RAP1GAP2: variants seen among roughly 807,000 people sequenced by gnomAD.
The protein encoded by RAP1GAP2 is rap1 GTPase-activating protein 2.
A neutral mutation model predicts 95.0 loss-of-function variants in RAP1GAP2; 27 were observed. The ratio of observed to expected loss-of-function variants is 0.28; its 90% CI spans 0.21 to 0.39. The LOEUF (loss-of-function observed/expected upper bound fraction) is 0.39. RAP1GAP2 is among the 10% of genes least tolerant of loss of function. The pLI is 1.00. For synonymous variants in RAP1GAP2, 373 were observed against 380.9 expected, an observed-to-expected ratio of 0.98 and a Z score of 0.24; for missense variants, 771 against 970.0, an observed-to-expected ratio of 0.79 and a Z score of 2.72.
At chr17:2,774,804 C>G (rs2068462037), upstream of RAP1GAP2, among the ~76,000 whole-genome samples, 3 of 143,010 alleles carry the variant, frequency 2.1e-5, no homozygotes, top group South Asian at 7.0e-4. Context: ...CATACCTGGC[C>G]TCCCTGCTAT....
At chr17:2,842,558 C>T (rs1169959311) in intron 2 of RAP1GAP2, among the ~76,000 whole-genome samples, 2 of 52,268 alleles carry the variant, frequency 3.8e-5, no homozygotes, top group Admixed American at 2.0e-4. Flanking sequence ...AAAAATACCA[C>T]TTTTACTACC....
intron 2 of RAP1GAP2, among the ~76,000 whole-genome samples, chr17:2,815,486 T>C (rs1314644551): frequency 6.8e-6 from 1 of 147,872 alleles, no homozygotes; most frequent in African/African-American, 2.5e-5. Flanking sequence ...ATTATTATTA[T>C]TATTATTATT....
intron 2 of RAP1GAP2, among the ~76,000 whole-genome samples, chr17:2,802,401 A>G (rs1187883123): frequency 6.6e-6 from 1 of 152,188 alleles, no homozygotes; most frequent in Non-Finnish European, 1.5e-5. Flanking sequence ...AAGAGCTTTC[A>G]GTTTCTCTGT....
At chr17:2,981,380 C>A in intron 10 of RAP1GAP2, 132 bp downstream of exon 10, 1 of 800,766 alleles carries the variant, frequency 1.2e-6, no homozygotes, top group Non-Finnish European at 2.0e-6. Flanking sequence ...TCCATGTCTC[C>A]CTCTCTCCCT....
At chr17:3,016,360 G>C (rs963168124) in intron 17 of RAP1GAP2, among the ~76,000 whole-genome samples, 2 of 152,258 alleles carry the variant, frequency 1.3e-5, no homozygotes, top group Admixed American at 1.3e-4. Context: ...GCGTCCCATG[G>C]AGGAGGAGGA....
At chr17:2,924,844 C>A (rs2042900824) in intron 3 of RAP1GAP2, among the ~76,000 whole-genome samples, 1 of 152,312 alleles carries the variant, frequency 6.6e-6, no homozygotes, top group Admixed American at 6.5e-5. Context: ...GAGACCTTCG[C>A]CAGATGACCT....
chr17:2,880,488 C>G (rs1472325116), intron 2 of RAP1GAP2, among the ~76,000 whole-genome samples: 1 of 149,516 alleles, frequency 6.7e-6, no homozygotes, highest in Non-Finnish European at 1.5e-5. Flanking sequence ...AAATACACAT[C>G]ACACACAGTG....
At chr17:2,931,093 G>C (rs2043130501) in intron 3 of RAP1GAP2, among the ~76,000 whole-genome samples, 3 of 148,274 alleles carry the variant, frequency 2.0e-5, no homozygotes, top group Non-Finnish European at 4.4e-5. Flanking sequence ...TTGCACTCTG[G>C]CCTGGGTGAC....
chr17:2,882,413 T>C (rs1032731345), intron 2 of RAP1GAP2, among the ~76,000 whole-genome samples: 3 of 151,988 alleles, frequency 2.0e-5, no homozygotes, highest in African/African-American at 7.3e-5. Flanking sequence ...TGCCTTGGCC[T>C]CCCAAGTAGC....
At chr17:2,935,498 ACT>A (rs2043277731) in intron 3 of RAP1GAP2, among the ~76,000 whole-genome samples, 1 of 151,932 alleles carries the variant, frequency 6.6e-6, no homozygotes, top group East Asian at 1.9e-4. Flanking sequence ...TAAGAGTGAA[ACT>A]CTGTCACACA....
intron 2 of RAP1GAP2, among the ~76,000 whole-genome samples, chr17:2,834,580 C>T (rs576493007): frequency 2.6e-5 from 4 of 152,086 alleles, no homozygotes; most frequent in Admixed American, 6.6e-5. Flanking sequence ...GCAGATGGCT[C>T]GAGCCCAGGA....
chr17:2,771,499 G>GTTTTTTTTTTTTGTTTTTTTTTTTTT (rs397976670), intron 2 of RAP1GAP2, among the ~76,000 whole-genome samples: 1 of 124,766 alleles, frequency 8.0e-6, no homozygotes, highest in Non-Finnish European at 1.7e-5. Context: ...TTTTTTTTTT[G>GTTTTTTTTTTTTGTTTTTTTTTTTTT]TTTTTTTTTT....
chr17:2,988,314 T>A (rs1199100489), intron 11 of RAP1GAP2, among the ~76,000 whole-genome samples: 1 of 152,170 alleles, frequency 6.6e-6, no homozygotes, highest in Non-Finnish European at 1.5e-5. Flanking sequence ...TTACCTACTT[T>A]CCCCGCAAAG....
intron 11 of RAP1GAP2, 60 bp from the exon 12 acceptor site, chr17:2,991,237 T>C: frequency 5.1e-6 from 7 of 1,363,684 alleles, no homozygotes; most frequent in Non-Finnish European, 6.1e-6. Flanking sequence ...TCCATATTCC[T>C]TCCTTTAGCA....
At chr17:3,022,411 G>A (rs935281242) in intron 19 of RAP1GAP2, among the ~76,000 whole-genome samples, 7 of 152,082 alleles carry the variant, frequency 4.6e-5, no homozygotes, top group South Asian at 2.1e-4. Flanking sequence ...TCCGCTCCTC[G>A]GTATATACCC....
rs190664751 is a variant in RAP1GAP2 at position 2,863,792 on chromosome 17, C to G, written c.81-41492C>G. Among the ~76,000 whole-genome samples, 255 of 152,230 alleles carry G rather than the reference C, an allele frequency of 1.7e-3. 1 individual carries two copies. Among genetic ancestry groups the G allele is most frequent in the African/African-American group, 5.3e-3 (222 of 41,538 alleles). On this transcript the variant is annotated intron_variant, in intron 2 of 24. Coordinates refer to ENST00000254695, the MANE Select transcript of RAP1GAP2 (RefSeq NM_015085.5). ...GGAGGTAGGGCCGGGCACGGTGGCT[C>G]ACACCAGTAATCCCAGCGCCTTGGG... is the stretch of plus-strand genomic sequence containing the variant.
chr17:2,890,420 A>T (rs1455444788), intron 2 of RAP1GAP2, among the ~76,000 whole-genome samples: 1 of 152,180 alleles, frequency 6.6e-6, no homozygotes, highest in Non-Finnish European at 1.5e-5. Flanking sequence ...GTTAAGACTT[A>T]AGACACAGTC....
intron 2 of RAP1GAP2, among the ~76,000 whole-genome samples, chr17:2,804,736 A>G (rs2069443615): frequency 6.6e-6 from 1 of 152,134 alleles, no homozygotes; most frequent in African/African-American, 2.4e-5. Flanking sequence ...GTGCAGGGGT[A>G]CAGGGGCTAT....
In RAP1GAP2 at chr17:3,003,376, C is replaced by T. The variant is rs531174525; in HGVS notation, c.1201-1993C>T. 4.6e-5 allele frequency among the ~76,000 whole-genome samples: 7 copies of T among 151,974 alleles called. No individual in the cohort carries two copies. Among genetic ancestry groups the T allele is most frequent in the South Asian group, 2.1e-4 (1 of 4,826 alleles). ...ACCAGGACTACCCCTTTCCCTCCCCCCTATCCCTGCCTCCCTCTCCGGAAG... is the reference window on the plus strand; with the variant it reads ...ACCAGGACTACCCCTTTCCCTCCCCTCTATCCCTGCCTCCCTCTCCGGAAG... On this transcript the variant is annotated intron_variant, in intron 14 of 24. Coordinates refer to ENST00000254695, the MANE Select transcript of RAP1GAP2 (RefSeq NM_015085.5). The surrounding 1 kb of genome is among the most constrained non-coding windows in gnomAD (Gnocchi z 4.1).
Sources: gnomAD v4.1 joint callset for allele counts (sites outside exome capture counted in the v4.1 genomes callset) on GRCh38, gnomAD v4.1.1 for gene constraint, Gnocchi (gnomAD v3.1) non-coding constraint, MANE v1.5 for transcripts, NCBI Gene and HGNC (gene_info 2026-07-23, HGNC 2026-07-21) for gene names.